Variants in JAKMIP2 observed in about 807,000 individuals in gnomAD.
JAKMIP2 encodes janus kinase and microtubule interacting protein 2.
Under a neutral mutation model 115.0 loss-of-function variants are expected in JAKMIP2, and 25 were observed. The observed-to-expected ratio is 0.22, with a 90% CI of 0.16 to 0.30. The LOEUF (loss-of-function observed/expected upper bound fraction) is 0.30. Among genes scored for constraint, JAKMIP2 ranks in the 10% least tolerant of loss-of-function variants. The pLI is 1.00. For missense variants in JAKMIP2, 642 were observed against 957.6 expected (o/e 0.67, Z 4.35); for synonymous variants, 334 against 343.6 (o/e 0.97, Z 0.31).
In JAKMIP2 at chr5:147,692,836, A is replaced by G. The variant is rs1380923943; in HGVS notation, c.-148-20882T>C. ...TCTTTTTAAAAGTCTATGGGTAATA[A>G]TAAGATTGACAAAGCAGTTCCTAAT... On this transcript the variant is annotated intron_variant, in intron 1 of 21. Transcript: ENST00000616793. Among the ~76,000 whole-genome samples the G allele has an allele frequency of 4.6e-5, 7 of 152,186 alleles. No individual in the cohort carries two copies. The East Asian group carries it at 1.3e-3, about 29-fold the overall frequency.
At chr5:147,726,939 C>T (rs1486015384) in intron 1 of JAKMIP2, among the ~76,000 whole-genome samples, 1 of 152,212 alleles carries the variant, frequency 6.6e-6, no homozygotes, top group Non-Finnish European at 1.5e-5. Flanking sequence ...GCTCTAGACT[C>T]CCTCTGGGAA....
intron 1 of JAKMIP2, among the ~76,000 whole-genome samples, chr5:147,682,716 A>G (rs1235592034): frequency 6.6e-6 from 1 of 152,230 alleles, no homozygotes. Context: ...AAGCTTTATT[A>G]TGGGAAATTT....
At chr5:147,746,750 T>C (rs982798181) in intron 1 of JAKMIP2, among the ~76,000 whole-genome samples, 23 of 152,162 alleles carry the variant, frequency 1.5e-4, no homozygotes, top group Non-Finnish European at 3.2e-4. Context: ...TGGTTATTAC[T>C]CAGAAATTCT....
Position 147,637,047 on chromosome 5 carries a change from G to A in JAKMIP2, c.1532C>T (p.Ala511Val), listed in dbSNP as rs1373058153. The A allele has an allele frequency of 1.2e-6, 1 of 869,362 alleles. No individual in the cohort carries two copies. The highest frequency in any genetic ancestry group is 2.0e-6 in the Non-Finnish European group (1 of 499,610). 53.9% of individuals were successfully genotyped at this position (869,362 alleles called of 1,614,324 possible). A position where few individuals can be genotyped will look rare whatever the true frequency, so the allele number is the denominator to read the frequency against. ...CACCTCTGCTTGGAGCTGTTCTTGAGCCTGGTGAAACCAAAATTCCAGAAC... is the reference window on the plus strand; with the variant it reads ...CACCTCTGCTTGGAGCTGTTCTTGAACCTGGTGAAACCAAAATTCCAGAAC... ...GIIDAEREAK[A>V]QEQLQAEVLR... The change falls in exon 11 of 22, where the codon GCT becomes GTT. Residue 511 changes from alanine (A) to valine (V), a missense_variant and splice_region_variant. Around this residue, in one of 6 missense-constraint regions of JAKMIP2, gnomAD observed 103 missense variants for 177.6 expected, o/e 0.58. Transcript: ENST00000616793.
chr5:147,756,102 A>G (rs1754732996), intron 1 of JAKMIP2, among the ~76,000 whole-genome samples: 1 of 152,206 alleles, frequency 6.6e-6, no homozygotes, highest in Admixed American at 6.5e-5. Context: ...CTTTTCAAAA[A>G]GGAATATTCT....
At chr5:147,690,785 T>C (rs1321301292) in intron 1 of JAKMIP2, among the ~76,000 whole-genome samples, 2 of 151,944 alleles carry the variant, frequency 1.3e-5, no homozygotes, top group Non-Finnish European at 2.9e-5. Flanking sequence ...TTCGTGGCTA[T>C]TGCATGACGC....
intron 12 of JAKMIP2, among the ~76,000 whole-genome samples, chr5:147,635,596 T>C (rs1757576583): frequency 6.6e-6 from 1 of 152,192 alleles, no homozygotes; most frequent in South Asian, 2.1e-4. Context: ...GGTTTTGCTC[T>C]TGTTGCCCGG....
chr5:147,624,597 A>G (rs1265041883), intron 16 of JAKMIP2, among the ~76,000 whole-genome samples: 2 of 151,998 alleles, frequency 1.3e-5, no homozygotes, highest in South Asian at 2.1e-4. Flanking sequence ...CTCAGAATAT[A>G]TGATATTTAT....
intron 1 of JAKMIP2, among the ~76,000 whole-genome samples, chr5:147,773,292 G>A (rs1753003072): frequency 2.6e-5 from 4 of 152,054 alleles, no homozygotes; most frequent in South Asian, 2.1e-4. Context: ...GGATCCTTTC[G>A]TTGGTCAAAC....
In JAKMIP2 at chr5:147,775,266, T is replaced by C. The variant is rs149215298; in HGVS notation, c.-149+7190A>G. 1.8e-3 allele frequency among the ~76,000 whole-genome samples: 268 copies of C among 152,280 alleles called. 1 individual carries two copies. Among genetic ancestry groups the C allele is most frequent in the Middle Eastern group, 6.8e-3 (2 of 294 alleles). On this transcript the variant is annotated intron_variant, in intron 1 of 21. Transcript: ENST00000616793. ...GAAAGCAGGATGCTGCCTTAATTTATCTTTGGAGTGAGATGCATTTCTGAT... is the reference window on the plus strand; with the variant it reads ...GAAAGCAGGATGCTGCCTTAATTTACCTTTGGAGTGAGATGCATTTCTGAT...
At chr5:147,608,470 G>A (rs1416905120) in intron 20 of JAKMIP2, among the ~76,000 whole-genome samples, 1 of 152,194 alleles carries the variant, frequency 6.6e-6, no homozygotes, top group Non-Finnish European at 1.5e-5. Flanking sequence ...CGGTTTCCAT[G>A]TAGTTGTGTG....
At chr5:147,628,958 T>C (rs1757234146) in intron 15 of JAKMIP2, 142 bp from the exon 16 acceptor site, 3 of 579,830 alleles carry the variant, frequency 5.2e-6, no homozygotes, top group East Asian at 2.8e-5. Flanking sequence ...TTAGTAATAA[T>C]TCTGAACAAA....
intron 1 of JAKMIP2, among the ~76,000 whole-genome samples, chr5:147,716,502 A>G (rs1157596646): frequency 5.3e-5 from 8 of 151,426 alleles, no homozygotes; most frequent in Admixed American, 1.3e-4. Flanking sequence ...CCTCTCCAGC[A>G]CCTGCTGTTT....
At chr5:147,652,740 G>A (rs1758467689) in intron 3 of JAKMIP2, among the ~76,000 whole-genome samples, 1 of 152,138 alleles carries the variant, frequency 6.6e-6, no homozygotes, top group South Asian at 2.1e-4. Flanking sequence ...TGTACAGAAT[G>A]TGCAGGTTTG....
At chr5:147,722,068 T>C (rs1313214441) in intron 1 of JAKMIP2, among the ~76,000 whole-genome samples, 2 of 152,162 alleles carry the variant, frequency 1.3e-5, no homozygotes, top group African/African-American at 4.8e-5. Flanking sequence ...TAATTTACAA[T>C]ACAAAAGTAT....
At chr5:147,627,526 A>T (rs73268130) in intron 16 of JAKMIP2, among the ~76,000 whole-genome samples, 1 of 151,938 alleles carries the variant, frequency 6.6e-6, no homozygotes, top group Non-Finnish European at 1.5e-5. Context: ...AGAGATAATG[A>T]GGCATTTGCT....
intron 20 of JAKMIP2, 23 bp downstream of exon 20, chr5:147,612,283 T>C (rs765552897): frequency 1.4e-5 from 19 of 1,365,226 alleles, no homozygotes; most frequent in Admixed American, 1.0e-4. Flanking sequence ...AATAATAAGA[T>C]AGTTATTGAA....
intron 10 of JAKMIP2, among the ~76,000 whole-genome samples, chr5:147,637,603 C>A (rs1056258715): frequency 1.3e-5 from 2 of 151,926 alleles, no homozygotes; most frequent in East Asian, 1.9e-4. Context: ...CCACGCCCAG[C>A]TAATTTTTGT....
intron 7 of JAKMIP2, 94 bp from the exon 8 acceptor site, chr5:147,641,858 T>A: frequency 9.8e-7 from 1 of 1,015,998 alleles, no homozygotes; most frequent in Non-Finnish European, 1.5e-6. Flanking sequence ...CATAAGGCAT[T>A]ATATTTGGAA....
Sources: gnomAD v4.1 joint callset for allele counts (sites outside exome capture counted in the v4.1 genomes callset) on GRCh38, gnomAD v4.1.1 for gene constraint, gnomAD v4.1.1 regional missense constraint, MANE v1.5 for transcripts, NCBI Gene and HGNC (gene_info 2026-07-23, HGNC 2026-07-21) for gene names.